Variants in FAF2 observed in about 807,000 individuals in gnomAD.
The protein encoded by FAF2 is Fas associated factor family member 2, also known as FAS-associated factor 2.
Under a neutral mutation model 62.3 loss-of-function variants are expected in FAF2, and 9 were observed. The ratio of observed to expected loss-of-function variants is 0.14; its 90% CI spans 0.09 to 0.25. The LOEUF (loss-of-function observed/expected upper bound fraction) is 0.25. FAF2 is among the 10% of genes least tolerant of loss of function. The pLI is 1.00. For synonymous variants in FAF2, 202 were observed against 198.0 expected (o/e 1.02, Z -0.17); for missense variants, 368 against 556.2 (o/e 0.66, Z 3.40).
In FAF2 at chr5:176,461,635, GT is replaced by G. The variant is rs550275518; in HGVS notation, c.63+13174del. On this transcript the variant is annotated intron_variant, in intron 1 of 10. Transcript: ENST00000261942. ...GAGCCACTCGGCCTGGCTTTTGCCAGTTTTTTTTTAATGGGGTTATTATTAT... is the reference window on the plus strand; with the variant it reads ...GAGCCACTCGGCCTGGCTTTTGCCAGTTTTTTTTAATGGGGTTATTATTAT... 4.2e-3 allele frequency among the ~76,000 whole-genome samples: 630 copies of G among 150,242 alleles called. 8 individuals carry two copies. The highest frequency in any genetic ancestry group is 0.014 in the African/African-American group (589 of 41,042).
At chr5:176,506,681 C>T in intron 10 of FAF2, 87 bp from the exon 11 acceptor site, 1 of 1,142,412 alleles carries the variant, frequency 8.8e-7, no homozygotes, top group Admixed American at 2.1e-5. Flanking sequence ...GTATATTTGA[C>T]TTCAGAGTTG....
intron 10 of FAF2, 61 bp from the exon 11 acceptor site, chr5:176,506,700 TGTGTGCG>T (rs776063068): frequency 9.9e-7 from 1 of 1,009,566 alleles, no homozygotes; most frequent in Non-Finnish European, 1.4e-6. Flanking sequence ...TGTGTGTGCG[TGTGTGCG>T]TGTGTGTGTG....
At chr5:176,496,773 G>T in intron 8 of FAF2, 110 bp downstream of exon 8, 1 of 771,942 alleles carries the variant, frequency 1.3e-6, no homozygotes, top group Non-Finnish European at 1.9e-6. Flanking sequence ...GCCGCTATTA[G>T]CTTTTAGCTT....
At position 176,499,079 on chromosome 5, in the gene FAF2, G is replaced by C; in HGVS notation, c.1005G>C (p.Arg335=). The C allele has an allele frequency of 6.3e-7, 1 of 1,582,674 alleles. No homozygotes were observed. Among genetic ancestry groups the C allele is most frequent in the East Asian group, 2.3e-5 (1 of 43,838 alleles). ...VQQQKLAEER[R]RQNLQEEKER... ...AGCAAAAGTTGGCAGAGGAGAGACG[G>C]CGGCAGGTAATGGACGTGTGGCTTT... The change falls in exon 9 of 11, where the codon CGG becomes CGC. Residue 335 remains arginine (R), a synonymous_variant. Coordinates refer to ENST00000261942, the MANE Select transcript of FAF2 (RefSeq NM_014613.3).
At chr5:176,457,053 C>G (rs1050440504) in intron 1 of FAF2, among the ~76,000 whole-genome samples, 5 of 152,018 alleles carry the variant, frequency 3.3e-5, no homozygotes, top group African/African-American at 1.2e-4. Context: ...ATGAACTCCT[C>G]TAAGTATTTA....
intron 10 of FAF2, 141 bp from the exon 11 acceptor site, chr5:176,506,627 G>T: frequency 1.5e-6 from 1 of 657,996 alleles, no homozygotes. Context: ...GAATTCCAGT[G>T]TAATGTGATT....
intron 1 of FAF2, among the ~76,000 whole-genome samples, chr5:176,460,236 G>A (rs1758354744): frequency 2.0e-5 from 3 of 151,874 alleles, no homozygotes; most frequent in South Asian, 4.1e-4. Flanking sequence ...TTTTCCTTTG[G>A]GTGTATACCC....
chr5:176,491,732 A>C (rs1368341935), intron 4 of FAF2, among the ~76,000 whole-genome samples: 1 of 152,224 alleles, frequency 6.6e-6, no homozygotes, highest in Non-Finnish European at 1.5e-5. Context: ...AGCACTTGAA[A>C]TGTGGCTAGC....
intron 10 of FAF2, among the ~76,000 whole-genome samples, chr5:176,501,910 T>A (rs531424680): frequency 1.3e-5 from 2 of 152,066 alleles, no homozygotes; most frequent in Non-Finnish European, 2.9e-5. Context: ...GCCGCCACCA[T>A]GCCTGGCTAA....
intron 1 of FAF2, among the ~76,000 whole-genome samples, chr5:176,451,837 TATATACACAC>T (rs1224870008): frequency 0.12 from 5,399 of 46,232 alleles, 1,054 homozygotes; most frequent in Non-Finnish European, 0.15. Context: ...TACATATATA[TATATACACAC>T]ATATATATAC....
intron 4 of FAF2, among the ~76,000 whole-genome samples, 156 bp from the exon 5 acceptor site, chr5:176,492,025 TGGCTTTTGAACCA>T (rs1758978216): frequency 6.6e-6 from 1 of 152,238 alleles, no homozygotes; most frequent in South Asian, 2.1e-4. Flanking sequence ...TGCTGCTTTA[TGGCTTTTGAACCA>T]GACTCTACTC....
In FAF2 at chr5:176,476,254, A is replaced by G. The variant is rs1243475374; in HGVS notation, c.64-2934A>G. Among the ~76,000 whole-genome samples, 3 of 152,198 alleles carry G rather than the reference A, an allele frequency of 2.0e-5. No individual in the cohort carries two copies. In the East Asian group the frequency reaches 5.8e-4, roughly 29 times the overall value. ...CAGCCTGGACAACAGAGCCAGACAG[A>G]ACCTGTCTTAAAAAAACAAAGCAAA... On this transcript the variant is annotated intron_variant, in intron 1 of 10. Coordinates refer to ENST00000261942, the MANE Select transcript of FAF2 (RefSeq NM_014613.3).
In FAF2 at chr5:176,459,365, C is replaced by T. The variant is rs909640012; in HGVS notation, c.63+10895C>T. Among the ~76,000 whole-genome samples the T allele has an allele frequency of 1.1e-4, 17 of 150,946 alleles. No homozygotes were observed. The Admixed American group carries it at 1.1e-3, about 10-fold the overall frequency. On this transcript the variant is annotated intron_variant, in intron 1 of 10. Transcript: ENST00000261942. ...CTCCAACCTCCTGGGCTCAGGCACT[C>T]CTCCCACCTCAGCCTCCCAAGTAGC...
chr5:176,450,687 G>A (rs1758149647), intron 1 of FAF2, among the ~76,000 whole-genome samples: 2 of 152,068 alleles, frequency 1.3e-5, no homozygotes, highest in South Asian at 4.1e-4. Context: ...TCGAGTAGCT[G>A]GGACTACAGG....
chr5:176,471,709 G>A (rs1758573661), intron 1 of FAF2, among the ~76,000 whole-genome samples: 2 of 136,130 alleles, frequency 1.5e-5, no homozygotes, highest in Non-Finnish European at 3.1e-5. Context: ...TTGAGATGGA[G>A]TCTCACTCTG....
At chr5:176,499,972 G>A (rs771338632) in intron 9 of FAF2, 31 bp from the exon 10 acceptor site, 1 of 1,612,412 alleles carries the variant, frequency 6.2e-7, no homozygotes, top group Non-Finnish European at 8.5e-7. Flanking sequence ...TTCTTGAGCT[G>A]TAGCCTCACC....
intron 1 of FAF2, among the ~76,000 whole-genome samples, chr5:176,457,166 TG>T (rs1758290710): frequency 6.6e-6 from 1 of 152,072 alleles, no homozygotes; most frequent in African/African-American, 2.4e-5. Flanking sequence ...GTCTTTGAGA[TG>T]GGTATTGATA....
At chr5:176,504,292 C>T (rs1313648675) in intron 10 of FAF2, among the ~76,000 whole-genome samples, 1 of 151,744 alleles carries the variant, frequency 6.6e-6, no homozygotes, top group Non-Finnish European at 1.5e-5. Context: ...CCTAATGAAA[C>T]CCTGTCTCTG....
chr5:176,479,115 A>G (rs772238268), intron 1 of FAF2, 73 bp from the exon 2 acceptor site: 49 of 1,158,926 alleles, frequency 4.2e-5, no homozygotes, highest in Non-Finnish European at 5.9e-5. Context: ...TCCTAGCAGT[A>G]TATGGCGTAA....
Sources: allele counts gnomAD v4.1 joint callset (sites outside exome capture counted in the v4.1 genomes callset), GRCh38; gene constraint gnomAD v4.1.1; transcripts MANE v1.5; gene names NCBI Gene and HGNC (gene_info 2026-07-23, HGNC 2026-07-21).